Variants in REC114 observed in about 807,000 individuals in gnomAD.
REC114 encodes meiotic recombination protein REC114.
A neutral mutation model predicts 31.3 loss-of-function variants in REC114; 27 were observed. The observed-to-expected ratio is 0.86, with a 90% CI of 0.64 to 1.19. The LOEUF is 1.19. Ranked by LOEUF, REC114 falls within the 50% of genes most tolerant of loss-of-function variation. The probability of loss-of-function intolerance (pLI) is 0.00; values close to 1 mark genes in which losing one functional copy is unlikely to be tolerated. For missense variants in REC114, 344 were observed against 326.9 expected, an observed-to-expected ratio of 1.05 and a Z score of -0.40; for synonymous variants, 134 against 127.7, an observed-to-expected ratio of 1.05 and a Z score of -0.33.
At chr15:73,514,336 C>T (rs1446192496) in intron 2 of REC114, among the ~76,000 whole-genome samples, 4 of 151,764 alleles carry the variant, frequency 2.6e-5, no homozygotes, top group Non-Finnish European at 5.9e-5. Flanking sequence ...GGCCTGCGCC[C>T]ACTGTCTGGC....
Position 73,505,299 on chromosome 15 carries a change from A to G in REC114, c.249+31378A>G, listed in dbSNP as rs571951434. Among the ~76,000 whole-genome samples, 57 of 152,308 alleles carry G rather than the reference A, an allele frequency of 3.7e-4. No homozygotes were observed. The South Asian group carries it at 0.012, about 31-fold the overall frequency. The stretch of plus-strand genomic sequence containing the variant: ...GTCAGTGTAAATTTACCAGTTTCAC[A>G]CATGTGGATTGTTATTGGTCAGGCT... On this transcript the variant is annotated intron_variant, in intron 2 of 5. Coordinates refer to ENST00000331090, the MANE Select transcript of REC114 (RefSeq NM_001042367.2).
chr15:73,552,928 C>T (rs2141336713), intron 4 of REC114, among the ~76,000 whole-genome samples: 1 of 152,282 alleles, frequency 6.6e-6, no homozygotes, highest in East Asian at 1.9e-4. Context: ...CATTCTCCTG[C>T]CTCAGCCTCC....
chr15:73,559,730 G>C (rs376080329), intron 5 of REC114, 22 bp from the exon 6 acceptor site: 2 of 1,516,380 alleles, frequency 1.3e-6, no homozygotes, highest in South Asian at 2.7e-5. Flanking sequence ...AATCTGTAAC[G>C]ACTTTTCTGG....
intron 3 of REC114, among the ~76,000 whole-genome samples, chr15:73,549,589 C>T: frequency 6.6e-6 from 1 of 152,100 alleles, no homozygotes; most frequent in East Asian, 1.9e-4. Context: ...TCATGTACCT[C>T]ATAAATATAT....
chr15:73,520,198 G>A (rs1410467448), intron 2 of REC114, among the ~76,000 whole-genome samples: 3 of 151,974 alleles, frequency 2.0e-5, no homozygotes, highest in African/African-American at 7.3e-5. Context: ...TGGTCCTTAT[G>A]GACTAATTGT....
At chr15:73,549,554 C>T (rs1283965868) in intron 3 of REC114, among the ~76,000 whole-genome samples, 1 of 152,116 alleles carries the variant, frequency 6.6e-6, no homozygotes, top group Non-Finnish European at 1.5e-5. Context: ...GATTATTACT[C>T]ATTGAATGCC....
chr15:73,451,877 A>G (rs545737448), intron 1 of REC114, among the ~76,000 whole-genome samples: 46 of 152,374 alleles, frequency 3.0e-4, no homozygotes, highest in African/African-American at 9.9e-4. Context: ...AACCAATGAC[A>G]AAAACCACAT....
chr15:73,551,096 G>A lies in REC114; in HGVS notation c.492G>A (p.Arg164=), dbSNP rs767173708. 1 of 1,613,370 alleles carries A rather than the reference G, an allele frequency of 6.2e-7. No homozygotes were observed. The highest frequency in any genetic ancestry group is 8.5e-7 in the Non-Finnish European group (1 of 1,179,654). ...QELQLIPGPP[R]ATESQGKDSA... ...TTCAGCTGATTCCTGGCCCACCCAG[G>A]GCAACTGAAAGTCAAGGGAAGGATT... Residue 164 remains arginine (R), a synonymous_variant, in exon 4 of 6, where the codon AGG becomes AGA. Transcript: ENST00000331090.
At chr15:73,547,991 A>G (rs887847467) in intron 3 of REC114, among the ~76,000 whole-genome samples, 4 of 152,028 alleles carry the variant, frequency 2.6e-5, no homozygotes, top group African/African-American at 7.2e-5. Context: ...CCTATAGAAT[A>G]GGAGAACATT....
intron 2 of REC114, among the ~76,000 whole-genome samples, chr15:73,529,636 A>G (rs1309487898): frequency 6.6e-6 from 1 of 152,178 alleles, no homozygotes; most frequent in Admixed American, 6.5e-5. Context: ...CTAGCTTTGA[A>G]TGTTTGAAAA....
rs188458596 is a variant in REC114 at position 73,449,145 on chromosome 15, G to A, written c.159+5801G>A. ...GGGAACAAAACTGGATGGACAATGA[G>A]TTTGATGAACTGACAGAAGCAGGCT... On this transcript the variant is annotated intron_variant, in intron 1 of 5. Transcript: ENST00000331090. Among the ~76,000 whole-genome samples the A allele has an allele frequency of 2.5e-4, 38 of 152,242 alleles. No individual in the cohort carries two copies. In the East Asian group the frequency reaches 7.0e-3, roughly 28 times the overall value.
chr15:73,478,779 T>C (rs980047546), intron 2 of REC114, among the ~76,000 whole-genome samples: 4 of 152,240 alleles, frequency 2.6e-5, no homozygotes, highest in African/African-American at 9.6e-5. Flanking sequence ...GCACATACTT[T>C]GCTAAATTTA....
chr15:73,556,195 G>T, intron 4 of REC114, 107 bp from the exon 5 acceptor site: 2 of 901,792 alleles, frequency 2.2e-6, no homozygotes, highest in Non-Finnish European at 3.4e-6. Flanking sequence ...CACTCTTAGT[G>T]GTATTTTCTT....
intron 4 of REC114, among the ~76,000 whole-genome samples, chr15:73,553,744 T>G (rs892965494): frequency 2.0e-5 from 3 of 152,238 alleles, no homozygotes; most frequent in African/African-American, 7.2e-5. Context: ...CCCAAATGTC[T>G]AGGTAGGAAT....
chr15:73,516,375 G>A (rs1309043580), intron 2 of REC114, among the ~76,000 whole-genome samples: 1 of 152,082 alleles, frequency 6.6e-6, no homozygotes, highest in Non-Finnish European at 1.5e-5. Context: ...CCACCAGCCT[G>A]AAAATAACCC....
chr15:73,532,188 T>C (rs1293964802), intron 2 of REC114, among the ~76,000 whole-genome samples: 2 of 149,832 alleles, frequency 1.3e-5, no homozygotes, highest in African/African-American at 4.9e-5. Context: ...CCTGTGTCCA[T>C]GTGATCTTAT....
chr15:73,446,617 G>GTGACAGAGCAAGA (rs1892768099), intron 1 of REC114, among the ~76,000 whole-genome samples: 1 of 151,406 alleles, frequency 6.6e-6, no homozygotes, highest in African/African-American at 2.4e-5. Context: ...TCCAACCTGA[G>GTGACAGAGCAAGA]TGACAGAGCA....
intron 5 of REC114, among the ~76,000 whole-genome samples, chr15:73,559,439 C>G (rs1044622444): frequency 1.3e-5 from 2 of 152,182 alleles, no homozygotes; most frequent in African/African-American, 4.8e-5. Flanking sequence ...TTTCAATCCA[C>G]AGGTTATCAG....
intron 4 of REC114, among the ~76,000 whole-genome samples, chr15:73,553,838 C>CG (rs1437015177): frequency 6.6e-6 from 1 of 152,138 alleles, no homozygotes; most frequent in Non-Finnish European, 1.5e-5. Flanking sequence ...GGTGATTTGA[C>CG]TAAGATAGCA....
Sources: allele counts gnomAD v4.1 joint callset (sites outside exome capture counted in the v4.1 genomes callset), GRCh38; gene constraint gnomAD v4.1.1; transcripts MANE v1.5; gene names NCBI Gene and HGNC (gene_info 2026-07-23, HGNC 2026-07-21).